The following MINDY2 variants were observed in gnomAD, a reference collection of about 807,000 sequenced individuals.
The protein encoded by MINDY2 is MINDY lysine 48 deubiquitinase 2, also known as ubiquitin carboxyl-terminal hydrolase MINDY-2.
In MINDY2, 52 loss-of-function variants were observed where a neutral mutation model predicts 68.2. That is an observed-to-expected ratio of 0.76 (90% confidence interval 0.61 to 0.96). The LOEUF is 0.96. MINDY2 is among the 40% of genes least tolerant of loss of function. The pLI is 0.00. For missense variants in MINDY2, 881 were observed against 773.4 expected (o/e 1.14, Z -1.65); for synonymous variants, 372 against 303.0 (o/e 1.23, Z -2.36).
Position 58,860,731 on chromosome 15 carries a change from T to A in MINDY2, c.*6121T>A, listed in dbSNP as rs1289366918. ...TAAAAATTTTTAATGAACCTTACAT[T>A]GTGAACATAATTGCAACATGTTTTA... On this transcript the variant is annotated 3_prime_UTR_variant, in exon 9 of 9. Transcript: ENST00000559228. 4 of 152,210 alleles carry A rather than the reference T, an allele frequency of 2.6e-5. No homozygotes were observed. Among genetic ancestry groups the A allele is most frequent in the African/African-American group, 9.6e-5 (4 of 41,464 alleles). The allele number at this position is 152,210 out of a possible 1,614,324, so 9.4% of individuals were successfully genotyped here. A position where few individuals can be genotyped will look rare whatever the true frequency, so the allele number is the denominator to read the frequency against.
intron 2 of MINDY2, among the ~76,000 whole-genome samples, chr15:58,798,294 T>A (rs1485167350): frequency 3.3e-5 from 5 of 150,580 alleles, no homozygotes; most frequent in Non-Finnish European, 5.9e-5. Flanking sequence ...TTTTTGTATT[T>A]TTTTTTTTTT....
At chr15:58,812,595 C>T (rs1417273850) in intron 4 of MINDY2, among the ~76,000 whole-genome samples, 5 of 152,074 alleles carry the variant, frequency 3.3e-5, no homozygotes, top group Non-Finnish European at 7.4e-5. Context: ...CACAGTGGCT[C>T]ATGCCTGTAA....
chr15:58,859,545 A>G lies in MINDY2; in HGVS notation c.*4935A>G, dbSNP rs1333741240. On this transcript the variant is annotated 3_prime_UTR_variant, in exon 9 of 9. Coordinates refer to ENST00000559228, the MANE Select transcript of MINDY2 (RefSeq NM_001040450.3). ...GTATATTTTATTAATGATGTCCAAC[A>G]CCTCTAAGATTGTTGAGAAAACATG... 1 of 152,182 alleles carries G rather than the reference A, an allele frequency of 6.6e-6. No homozygotes were observed. The highest frequency in any genetic ancestry group is 1.5e-5 in the Non-Finnish European group (1 of 68,028). 9.4% of individuals were successfully genotyped at this position (152,182 alleles called of 1,614,324 possible).
At chr15:58,801,610 T>C (rs1342603078) in intron 2 of MINDY2, among the ~76,000 whole-genome samples, 1 of 152,088 alleles carries the variant, frequency 6.6e-6, no homozygotes, top group African/African-American at 2.4e-5. Context: ...TAAAAACTCG[T>C]ATATAAAAAT....
In MINDY2 at chr15:58,771,748, G is replaced by A; in HGVS notation, c.353G>A (p.Gly118Glu). The change falls in exon 1 of 9, where the codon GGA becomes GAA. Residue 118 changes from glycine to glutamate, a missense_variant. Physicochemically the swap from Gly to Glu is moderately conservative, Grantham distance 98. Coordinates refer to ENST00000559228, the MANE Select transcript of MINDY2 (RefSeq NM_001040450.3). ...VTASPETAVA[G>E]VGHELGTAGD... The stretch of plus-strand genomic sequence containing the variant: ...GCCTCCCCGGAGACAGCCGTGGCCG[G>A]AGTGGGTCATGAGTTGGGTACCGCC... 6 of 1,611,718 alleles carry A rather than the reference G, an allele frequency of 3.7e-6. No individual in the cohort carries two copies. The highest frequency in any genetic ancestry group is 5.1e-6 in the Non-Finnish European group (6 of 1,179,574).
At chr15:58,830,938 T>C (rs2031676135) in intron 5 of MINDY2, among the ~76,000 whole-genome samples, 1 of 151,886 alleles carries the variant, frequency 6.6e-6, no homozygotes, top group South Asian at 2.1e-4. Flanking sequence ...TTGGGGGATC[T>C]AAATAAATTT....
At chr15:58,806,984 A>G (rs942677579) in intron 3 of MINDY2, among the ~76,000 whole-genome samples, 1 of 152,340 alleles carries the variant, frequency 6.6e-6, no homozygotes, top group East Asian at 1.9e-4. Context: ...AATTTAAAAC[A>G]TTTGAATGAT....
At chr15:58,851,712 A>C in intron 7 of MINDY2, 59 bp from the exon 8 acceptor site, 3 of 1,269,062 alleles carry the variant, frequency 2.4e-6, no homozygotes, top group Non-Finnish European at 3.3e-6. Context: ...TTGTATTTGC[A>C]GTCATTCATT....
intron 2 of MINDY2, among the ~76,000 whole-genome samples, chr15:58,801,217 A>G (rs1323804515): frequency 6.6e-6 from 1 of 151,294 alleles, no homozygotes; most frequent in African/African-American, 2.4e-5. Context: ...CAGGTGATCC[A>G]CCCTCCTCGG....
chr15:58,855,853 G>C lies in MINDY2; in HGVS notation c.*1243G>C, dbSNP rs2033043470. 1.3e-5 allele frequency: 2 copies of C among 152,416 alleles called. No homozygotes were observed. The highest frequency in any genetic ancestry group is 1.3e-4 in the Admixed American group (2 of 15,276). The allele number at this position is 152,416 out of a possible 1,614,324, so 9.4% of individuals were successfully genotyped here. A position where few individuals can be genotyped will look rare whatever the true frequency, so the allele number is the denominator to read the frequency against. ...GAGAATTGCTTGAACCCGGCAGGCA[G>C]AGGTTGCAGTGAGCCGAGATCGCCC... On this transcript the variant is annotated 3_prime_UTR_variant, in exon 9 of 9. Transcript: ENST00000559228.
In MINDY2 at chr15:58,851,812, C is replaced by A. The variant is rs751379906; in HGVS notation, c.1584C>A (p.Ser528Arg). The change falls in exon 8 of 9, where the codon AGC (serine) becomes AGA (arginine). Residue 528 changes from serine to arginine, a missense_variant. Ser to Arg is a moderately radical substitution (Grantham distance 110, BLOSUM62 -1). Transcript: ENST00000559228. The part of the protein sequence containing the change: ...MALSLQQEQQ[S>R]QEINWEQIPE... Reference sequence around the variant, plus strand: ...TATCTCTACAACAAGAACAGCAGAGCCAAGAGATCAATTGGGAACAAATCC... The same window carrying A: ...TATCTCTACAACAAGAACAGCAGAGACAAGAGATCAATTGGGAACAAATCC... The A allele has an allele frequency of 3.7e-6, 6 of 1,606,108 alleles. No homozygotes were observed. Among genetic ancestry groups the A allele is most frequent in the Non-Finnish European group, 5.1e-6 (6 of 1,177,828 alleles).
At chr15:58,792,557 G>T (rs372152536) in intron 2 of MINDY2, among the ~76,000 whole-genome samples, 2 of 152,170 alleles carry the variant, frequency 1.3e-5, no homozygotes, top group Non-Finnish European at 2.9e-5. Context: ...AGTGAGCCGA[G>T]ATCATGCGAT....
Position 58,852,287 on chromosome 15 carries a change from C to CAAAAAAAAAAAAAAAAAAA in MINDY2, c.1737+340_1737+341insAAAAAAAAAAAAAAAAAAA, listed in dbSNP as rs60365490. ...AGGATGATAGAGCAAGACTCCTTCTCAAAAAAAAAAAAAAAAAAGATGATC... is the reference window on the plus strand; with the variant it reads ...AGGATGATAGAGCAAGACTCCTTCTCAAAAAAAAAAAAAAAAAAAAAAAAAAAAAAAAAAAAAGATGATC... On this transcript the variant is annotated intron_variant, in intron 8 of 8. Coordinates refer to ENST00000559228, the MANE Select transcript of MINDY2 (RefSeq NM_001040450.3). Among the ~76,000 whole-genome samples, 589 of 61,886 alleles carry CAAAAAAAAAAAAAAAAAAA rather than the reference C, an allele frequency of 9.5e-3. 84 individuals carry two copies. The highest frequency in any genetic ancestry group is 0.012 in the African/African-American group (200 of 16,574). 40.6% of individuals were successfully genotyped at this position (61,886 alleles called of 152,430 possible).
intron 6 of MINDY2, among the ~76,000 whole-genome samples, chr15:58,844,559 C>CAAAAA (rs34592774): frequency 3.0e-5 from 2 of 66,906 alleles, no homozygotes; most frequent in Admixed American, 2.0e-4. Context: ...GACTCCGTCT[C>CAAAAA]AAAAAAAAAA....
intron 4 of MINDY2, among the ~76,000 whole-genome samples, chr15:58,820,108 A>C (rs1340555736): frequency 6.6e-6 from 1 of 152,144 alleles, no homozygotes; most frequent in Non-Finnish European, 1.5e-5. Flanking sequence ...TCTACTAAAA[A>C]TACAAAAATT....
intron 6 of MINDY2, among the ~76,000 whole-genome samples, chr15:58,840,137 T>TC (rs2032204721): frequency 6.6e-6 from 1 of 151,610 alleles, no homozygotes; most frequent in African/African-American, 2.4e-5. Flanking sequence ...TTGGCCTCGA[T>TC]TTTATCTTTA....
At chr15:58,823,342 G>A (rs1442421097) in intron 5 of MINDY2, among the ~76,000 whole-genome samples, 1 of 151,564 alleles carries the variant, frequency 6.6e-6, no homozygotes, top group Non-Finnish European at 1.5e-5. Context: ...CAAGCTGGGA[G>A]GTTTATGCTA....
Position 58,807,546 on chromosome 15 carries a change from G to A in MINDY2, c.964-2684G>A, listed in dbSNP as rs537336809. Among the ~76,000 whole-genome samples the A allele has an allele frequency of 1.3e-3, 196 of 151,988 alleles. 1 individual carries two copies. Among genetic ancestry groups the A allele is most frequent in the Middle Eastern group, 3.4e-3 (1 of 292 alleles). ...GGCTAAAAGTTTTTTGTATTTTTTA[G>A]TAGAGACGGGGTTTCACCGTGTTAG... On this transcript the variant is annotated intron_variant, in intron 3 of 8. Transcript: ENST00000559228.
chr15:58,810,107 T>C (rs1054245284), intron 3 of MINDY2, 123 bp from the exon 4 acceptor site: 8 of 891,540 alleles, frequency 9.0e-6, no homozygotes, highest in Middle Eastern at 3.5e-4. Context: ...ATAATAAAAA[T>C]ATGTTGAATT....
Sources: gnomAD v4.1 joint callset for allele counts (sites outside exome capture counted in the v4.1 genomes callset) on GRCh38, gnomAD v4.1.1 for gene constraint, MANE v1.5 for transcripts, NCBI Gene and HGNC (gene_info 2026-07-23, HGNC 2026-07-21) for gene names.